Variants in MAGI2 observed in about 807,000 individuals in gnomAD.
MAGI2 encodes membrane-associated guanylate kinase, WW and PDZ domain-containing protein 2.
In MAGI2, 35 loss-of-function variants were observed where a neutral mutation model predicts 133.3. The ratio of observed to expected loss-of-function variants is 0.26; its 90% CI spans 0.20 to 0.35. The LOEUF (loss-of-function observed/expected upper bound fraction) is 0.35, where lower values mean the gene tolerates loss of function less well. Ranked by LOEUF, MAGI2 falls within the 10% of genes least tolerant of loss-of-function variation. The probability of loss-of-function intolerance (pLI) is 1.00; values close to 1 mark genes in which losing one functional copy is unlikely to be tolerated. For missense variants in MAGI2, 1,636 were observed against 1,863.4 expected (o/e 0.88, Z 2.25); for synonymous variants, 729 against 710.6 (o/e 1.03, Z -0.41).
At chr7:78,420,157 C>G (rs939786733) in intron 6 of MAGI2, among the ~76,000 whole-genome samples, 3 of 152,152 alleles carry the variant, frequency 2.0e-5, no homozygotes, top group South Asian at 2.1e-4. Flanking sequence ...GCCTGCTCAT[C>G]ATTTGCCTTT....
intron 9 of MAGI2, among the ~76,000 whole-genome samples, chr7:78,337,250 G>A (rs1274190505): frequency 1.3e-5 from 2 of 152,172 alleles, no homozygotes; most frequent in African/African-American, 4.8e-5. Flanking sequence ...AGGTTTCTGG[G>A]CACTGTGATA....
chr7:78,527,041 G>GAA (rs1281629424), intron 3 of MAGI2, among the ~76,000 whole-genome samples: 1 of 99,656 alleles, frequency 1.0e-5, no homozygotes, highest in Non-Finnish European at 2.2e-5. Flanking sequence ...AAAAGAAAAA[G>GAA]AAAAAAAGAA....
chr7:79,138,849 C>CA (rs1229477525), intron 1 of MAGI2, among the ~76,000 whole-genome samples: 3 of 151,560 alleles, frequency 2.0e-5, no homozygotes, highest in Admixed American at 6.6e-5. Flanking sequence ...ACTAAAAATA[C>CA]AAAAAAATTA....
At chr7:78,439,583 T>A (rs1787396956) in intron 6 of MAGI2, among the ~76,000 whole-genome samples, 1 of 152,046 alleles carries the variant, frequency 6.6e-6, no homozygotes, top group Non-Finnish European at 1.5e-5. Flanking sequence ...ACACCACACA[T>A]CACCAGGCAA....
Position 78,854,035 on chromosome 7 carries a change from C to G in MAGI2, c.418+153055G>C, listed in dbSNP as rs554208662. Among the ~76,000 whole-genome samples, 4 of 152,050 alleles carry G rather than the reference C, an allele frequency of 2.6e-5. 1 individual carries two copies. The South Asian group carries it at 8.3e-4, about 32-fold the overall frequency. ...GAAATATATTCAGCAGCTGAGATGGCTATTGGAAATTCATCTACAATCCTT... is the reference window on the plus strand; with the variant it reads ...GAAATATATTCAGCAGCTGAGATGGGTATTGGAAATTCATCTACAATCCTT... On this transcript the variant is annotated intron_variant, in intron 2 of 21. Transcript: ENST00000354212.
chr7:79,234,973 G>A (rs1241249659), intron 1 of MAGI2, among the ~76,000 whole-genome samples: 2 of 151,832 alleles, frequency 1.3e-5, no homozygotes, highest in Non-Finnish European at 2.9e-5. Context: ...TGGGTTTTTG[G>A]TGTGGATGTC....
At chr7:79,303,685 T>C (rs1290695108) in intron 1 of MAGI2, among the ~76,000 whole-genome samples, 1 of 152,194 alleles carries the variant, frequency 6.6e-6, no homozygotes, top group Non-Finnish European at 1.5e-5. Context: ...ACTCTGACAA[T>C]GTTTACCATA....
intron 2 of MAGI2, among the ~76,000 whole-genome samples, chr7:78,653,069 T>A (rs1242390903): frequency 2.0e-5 from 3 of 152,138 alleles, no homozygotes; most frequent in Admixed American, 6.5e-5. Context: ...GAAATGCGAA[T>A]CAAAACCACA....
At chr7:78,072,268 A>G (rs1814791641) in intron 21 of MAGI2, among the ~76,000 whole-genome samples, 1 of 152,246 alleles carries the variant, frequency 6.6e-6, no homozygotes, top group Admixed American at 6.5e-5. Context: ...GTGCTCTTCA[A>G]GGATTCTTAA....
intron 2 of MAGI2, among the ~76,000 whole-genome samples, chr7:78,881,100 T>C (rs1216674318): frequency 6.6e-6 from 1 of 152,160 alleles, no homozygotes; most frequent in African/African-American, 2.4e-5. Context: ...CAAGAAGACT[T>C]AGACAACCAC....
intron 7 of MAGI2, among the ~76,000 whole-genome samples, chr7:78,368,940 G>A (rs1408505708): frequency 6.6e-6 from 1 of 152,002 alleles, no homozygotes; most frequent in South Asian, 2.1e-4. Context: ...TTTTCAATTG[G>A]TGTTTTAGAA....
chr7:78,179,865 C>T (rs1039234639), intron 13 of MAGI2, among the ~76,000 whole-genome samples: 13 of 152,136 alleles, frequency 8.5e-5, no homozygotes, highest in African/African-American at 2.9e-4. Context: ...TCAGTTTCTT[C>T]TGAAGTCTGT....
At chr7:78,176,154 A>G (rs940156797) in intron 14 of MAGI2, among the ~76,000 whole-genome samples, 1 of 152,166 alleles carries the variant, frequency 6.6e-6, no homozygotes, top group African/African-American at 2.4e-5. Flanking sequence ...CACAGCCAAG[A>G]GTTCCTTTTC....
chr7:78,179,207 C>A (rs983240743), intron 13 of MAGI2, among the ~76,000 whole-genome samples: 5 of 152,180 alleles, frequency 3.3e-5, no homozygotes, highest in African/African-American at 1.2e-4. Flanking sequence ...GGTATTAGAA[C>A]TGATAGAAGC....
intron 3 of MAGI2, among the ~76,000 whole-genome samples, chr7:78,525,304 G>T (rs1796855476): frequency 6.6e-6 from 1 of 151,966 alleles, no homozygotes; most frequent in African/African-American, 2.4e-5. Flanking sequence ...AGAGAATAAG[G>T]TACCCTAAGC....
At chr7:78,521,112 C>T (rs1295361642) in intron 4 of MAGI2, among the ~76,000 whole-genome samples, 1 of 151,854 alleles carries the variant, frequency 6.6e-6, no homozygotes, top group East Asian at 1.9e-4. Context: ...ATAGAAGTTT[C>T]AATCATTCAC....
intron 2 of MAGI2, among the ~76,000 whole-genome samples, chr7:78,708,442 G>C (rs1411922105): frequency 6.6e-6 from 1 of 152,124 alleles, no homozygotes; most frequent in African/African-American, 2.4e-5. Context: ...CAGCATGACA[G>C]AGTAAATTGG....
At chr7:79,198,841 T>C (rs1399638782) in intron 1 of MAGI2, among the ~76,000 whole-genome samples, 2 of 151,926 alleles carry the variant, frequency 1.3e-5, no homozygotes, top group African/African-American at 4.8e-5. Flanking sequence ...TGAACAGAGA[T>C]CGTGCCACTG....
At chr7:78,679,875 C>A (rs1436730776) in intron 2 of MAGI2, among the ~76,000 whole-genome samples, 1 of 152,090 alleles carries the variant, frequency 6.6e-6, no homozygotes, top group Admixed American at 6.6e-5. Context: ...ATTTTGCCCA[C>A]CACAGAGGCA....
Sources: gnomAD v4.1 joint callset for allele counts (sites outside exome capture counted in the v4.1 genomes callset) on GRCh38, gnomAD v4.1.1 for gene constraint, MANE v1.5 for transcripts, NCBI Gene and HGNC (gene_info 2026-07-23, HGNC 2026-07-21) for gene names.